The following CCSER1 variants were observed in gnomAD, a reference collection of about 807,000 sequenced individuals.
The protein encoded by CCSER1 is serine-rich coiled-coil domain-containing protein 1.
Under a neutral mutation model 82.0 loss-of-function variants are expected in CCSER1, and 41 were observed. That is an observed-to-expected ratio of 0.50 (90% CI 0.39 to 0.65). The LOEUF (loss-of-function observed/expected upper bound fraction) is 0.65, where lower values mean the gene tolerates loss of function less well. Among genes scored for constraint, CCSER1 ranks in the 30% least tolerant of loss-of-function variants. CCSER1 has a pLI of 0.00. For missense variants in CCSER1, 1,119 were observed against 1,064.2 expected, an observed-to-expected ratio of 1.05 and a Z score of -0.72; for synonymous variants, 414 against 383.9, an observed-to-expected ratio of 1.08 and a Z score of -0.92.
intron 10 of CCSER1, among the ~76,000 whole-genome samples, chr4:91,482,111 T>G (rs569083459): frequency 6.6e-6 from 1 of 151,954 alleles, no homozygotes; most frequent in East Asian, 1.9e-4. Flanking sequence ...CATTAAAAAG[T>G]CAGGAAACGG....
intron 7 of CCSER1, among the ~76,000 whole-genome samples, chr4:90,774,641 C>T (rs1333263506): frequency 1.3e-5 from 2 of 152,050 alleles, no homozygotes; most frequent in Non-Finnish European, 2.9e-5. Context: ...TCATGTCCAT[C>T]TTTTTAATAC....
At chr4:91,153,887 G>GC (rs2148959990) in intron 10 of CCSER1, among the ~76,000 whole-genome samples, 1 of 151,930 alleles carries the variant, frequency 6.6e-6, no homozygotes, top group African/African-American at 2.4e-5. Context: ...TCTCAGAGGG[G>GC]CCCCCGGCTG....
rs1400098147 is a variant in CCSER1, at chr4:90,747,637, T to C, written c.2010+23646T>C. On this transcript the variant is annotated intron_variant, in intron 7 of 10. Transcript: ENST00000509176. ...TCAATTTGGAGCTTATCTAATTTTCTTTTTTTTTTCTTTTTTTAAATTTTA... is the reference window on the plus strand; with the variant it reads ...TCAATTTGGAGCTTATCTAATTTTCCTTTTTTTTTCTTTTTTTAAATTTTA... 2.0e-5 allele frequency among the ~76,000 whole-genome samples: 3 copies of C among 147,970 alleles called. 1 individual carries two copies. Among genetic ancestry groups the C allele is most frequent in the East Asian group, 3.9e-4 (2 of 5,142 alleles).
chr4:90,529,864 G>A (rs1285116313), intron 5 of CCSER1, among the ~76,000 whole-genome samples: 9 of 151,454 alleles, frequency 5.9e-5, no homozygotes, highest in African/African-American at 2.2e-4. Flanking sequence ...TTAAGTAAAG[G>A]GAAATGGTGT....
intron 3 of CCSER1, among the ~76,000 whole-genome samples, chr4:90,393,952 A>C (rs1401598145): frequency 6.6e-6 from 1 of 151,446 alleles, no homozygotes; most frequent in Non-Finnish European, 1.5e-5. Flanking sequence ...TAATTAAAAA[A>C]AAAAATTGCA....
At chr4:91,409,932 G>A (rs1369085866) in intron 10 of CCSER1, among the ~76,000 whole-genome samples, 1 of 152,134 alleles carries the variant, frequency 6.6e-6, no homozygotes, top group South Asian at 2.1e-4. Context: ...TCTGCCCACT[G>A]TGGCCTCAGG....
chr4:90,362,769 G>C (rs989608612), intron 3 of CCSER1, among the ~76,000 whole-genome samples: 2 of 152,182 alleles, frequency 1.3e-5, no homozygotes, highest in East Asian at 3.9e-4. Context: ...GGAGTTTCTG[G>C]TAAAGCAGAA....
chr4:90,280,159 AT>A (rs1183623251), intron 1 of CCSER1, among the ~76,000 whole-genome samples: 4 of 151,998 alleles, frequency 2.6e-5, no homozygotes, highest in Non-Finnish European at 5.9e-5. Context: ...AAACTAATGA[AT>A]CTGATTAAAG....
intron 4 of CCSER1, among the ~76,000 whole-genome samples, chr4:90,408,130 G>T (rs187032030): frequency 6.6e-6 from 1 of 152,212 alleles, no homozygotes; most frequent in East Asian, 1.9e-4. Flanking sequence ...TAAACAGAGC[G>T]GCTGGGAAGC....
chr4:90,660,183 C>T (rs62314391), intron 6 of CCSER1, among the ~76,000 whole-genome samples: 27,464 of 151,882 alleles, frequency 0.18, 2,741 homozygotes, highest in African/African-American at 0.27. Flanking sequence ...CACTGGGTAT[C>T]TACCCAAAGG....
intron 10 of CCSER1, among the ~76,000 whole-genome samples, chr4:91,212,535 C>T (rs953828597): frequency 6.6e-6 from 1 of 151,960 alleles, no homozygotes; most frequent in Non-Finnish European, 1.5e-5. Flanking sequence ...AATTCAAAAC[C>T]ATCAGGACAG....
At chr4:90,766,547 G>A (rs901670215) in intron 7 of CCSER1, among the ~76,000 whole-genome samples, 1 of 152,134 alleles carries the variant, frequency 6.6e-6, no homozygotes, top group Non-Finnish European at 1.5e-5. Context: ...AGGAGGCTGA[G>A]GCAGGAGAAT....
At chr4:90,553,118 C>T (rs1429047778) in intron 5 of CCSER1, among the ~76,000 whole-genome samples, 7 of 152,082 alleles carry the variant, frequency 4.6e-5, no homozygotes, top group African/African-American at 1.7e-4. Context: ...TACAGGCACA[C>T]ACCACCACGC....
chr4:90,976,521 C>G (rs1735631908), intron 9 of CCSER1, among the ~76,000 whole-genome samples: 1 of 151,058 alleles, frequency 6.6e-6, no homozygotes, highest in Non-Finnish European at 1.5e-5. Context: ...TCACAGCCTT[C>G]AACCCAGTAA....
intron 3 of CCSER1, among the ~76,000 whole-genome samples, chr4:90,367,851 C>T (rs1268777295): frequency 6.6e-6 from 1 of 151,130 alleles, no homozygotes; most frequent in Non-Finnish European, 1.5e-5. Flanking sequence ...GCTTGGGGTC[C>T]CTGAAATAAA....
At chr4:91,095,866 T>C (rs376171477) in intron 10 of CCSER1, among the ~76,000 whole-genome samples, 20 of 152,012 alleles carry the variant, frequency 1.3e-4, no homozygotes, top group East Asian at 5.8e-4. Flanking sequence ...ACAATTCTTA[T>C]GTATTCCTGA....
At chr4:91,212,471 TGATGCACTGTTCTCA>T in intron 10 of CCSER1, among the ~76,000 whole-genome samples, 1 of 152,186 alleles carries the variant, frequency 6.6e-6, no homozygotes, top group East Asian at 1.9e-4. Flanking sequence ...TTCTGGTGAC[TGATGCACTGTTCTCA>T]CTACTGATAT....
intron 8 of CCSER1, among the ~76,000 whole-genome samples, chr4:90,906,435 C>T (rs1354373305): frequency 6.6e-6 from 1 of 151,980 alleles, no homozygotes; most frequent in African/African-American, 2.4e-5. Context: ...TCTTGTCTCC[C>T]TTATGCTTGT....
chr4:90,542,139 A>G (rs1776185868), intron 5 of CCSER1, among the ~76,000 whole-genome samples: 1 of 152,090 alleles, frequency 6.6e-6, no homozygotes, highest in South Asian at 2.1e-4. Context: ...AACTTTTCAG[A>G]GATAAATTCA....
Sources: gnomAD v4.1 joint callset for allele counts (sites outside exome capture counted in the v4.1 genomes callset) on GRCh38, gnomAD v4.1.1 for gene constraint, MANE v1.5 for transcripts, NCBI Gene and HGNC (gene_info 2026-07-23, HGNC 2026-07-21) for gene names.